Variants in TMEM181 observed in about 807,000 individuals in gnomAD.
The protein encoded by TMEM181 is G protein-coupled receptor 178.
TMEM181 carries 39 observed loss-of-function variants against 71.9 expected under a neutral mutation model. The ratio of observed to expected loss-of-function variants is 0.54; its 90% CI spans 0.42 to 0.71. The LOEUF (loss-of-function observed/expected upper bound fraction) is 0.71. Among genes scored for constraint, TMEM181 ranks in the 30% least tolerant of loss-of-function variants. TMEM181 has a pLI of 0.00. For missense variants in TMEM181, 595 were observed against 583.0 expected (o/e 1.02, Z -0.21); for synonymous variants, 245 against 228.8 (o/e 1.07, Z -0.64).
chr6:158,560,634 C>T (rs916957538), intron 1 of TMEM181, among the ~76,000 whole-genome samples: 1 of 152,172 alleles, frequency 6.6e-6, no homozygotes, highest in African/African-American at 2.4e-5. Context: ...GGCCCCGCCC[C>T]GTCGTCCCCT....
At chr6:158,611,792 CT>C in intron 10 of TMEM181, 5 of 199,104 alleles carry the variant, frequency 2.5e-5, no homozygotes, top group East Asian at 1.5e-4. Context: ...GACAATAAAC[CT>C]GAGAGGGCCT....
rs1288634968 is a variant in TMEM181, at chr6:158,573,540, A to G, written c.112+17A>G. Reference sequence around the variant, plus strand: ...GGATCAGAGGTAAGGTTCGGTTTTTACTCATTGAATCTTTTGCCATGCGCG... The same window carrying G: ...GGATCAGAGGTAAGGTTCGGTTTTTGCTCATTGAATCTTTTGCCATGCGCG... On this transcript the variant is annotated intron_variant, in intron 2 of 16. Coordinates refer to ENST00000684151, the MANE Select transcript of TMEM181 (RefSeq NM_001376852.1). The G allele has an allele frequency of 3.2e-6, 5 of 1,585,342 alleles. No individual in the cohort carries two copies. In the Admixed American group the frequency reaches 9.0e-5, roughly 29 times the overall value.
At chr6:158,542,050 C>G (rs1189660465) in intron 1 of TMEM181, among the ~76,000 whole-genome samples, 1 of 151,966 alleles carries the variant, frequency 6.6e-6, no homozygotes, top group Non-Finnish European at 1.5e-5. Flanking sequence ...AGATTACAGG[C>G]ATGCGCCACT....
intron 6 of TMEM181, among the ~76,000 whole-genome samples, chr6:158,590,260 C>T (rs1002247894): frequency 1.3e-5 from 2 of 152,150 alleles, no homozygotes; most frequent in East Asian, 1.9e-4. Flanking sequence ...GAGCTGGGTT[C>T]TCACGCTGCC....
At chr6:158,631,144 C>G (rs1470455346) in intron 15 of TMEM181, among the ~76,000 whole-genome samples, 179 bp from the exon 16 acceptor site, 1 of 152,248 alleles carries the variant, frequency 6.6e-6, no homozygotes, top group Admixed American at 6.5e-5. Context: ...CCAGGCCAGC[C>G]CTGTCTTGTA....
At chr6:158,588,155 T>A (rs1358962535) in intron 5 of TMEM181, among the ~76,000 whole-genome samples, 1 of 152,242 alleles carries the variant, frequency 6.6e-6, no homozygotes, top group Non-Finnish European at 1.5e-5. Flanking sequence ...GCAGATGACC[T>A]GTGCTTCCGG....
intron 14 of TMEM181, among the ~76,000 whole-genome samples, chr6:158,629,073 A>G (rs563495294): frequency 6.6e-6 from 1 of 152,314 alleles, no homozygotes; most frequent in South Asian, 2.1e-4. Flanking sequence ...CCAGTGGCGC[A>G]GGGCTGTTGC....
In TMEM181 at chr6:158,627,790, G is replaced by A. The variant is rs529064290; in HGVS notation, c.1110-618G>A. ...GGGTCTTGAGCTGGGAGGTGAAAGGGTCTGGTGCACATGTTAAGCCTTCTG... is the reference window on the plus strand; with the variant it reads ...GGGTCTTGAGCTGGGAGGTGAAAGGATCTGGTGCACATGTTAAGCCTTCTG... On this transcript the variant is annotated intron_variant, in intron 13 of 16. Coordinates refer to ENST00000684151, the MANE Select transcript of TMEM181 (RefSeq NM_001376852.1). Among the ~76,000 whole-genome samples, 404 of 125,802 alleles carry A rather than the reference G, an allele frequency of 3.2e-3. 1 individual carries two copies. Among genetic ancestry groups the A allele is most frequent in the South Asian group, 5.7e-3 (23 of 4,024 alleles). 82.5% of individuals were successfully genotyped at this position (125,802 alleles called of 152,430 possible).
At chr6:158,595,993 C>A (rs541458190) in intron 6 of TMEM181, among the ~76,000 whole-genome samples, 1 of 152,122 alleles carries the variant, frequency 6.6e-6, no homozygotes, top group African/African-American at 2.4e-5. Flanking sequence ...GCGATCTCGG[C>A]TCACTGCAAG....
intron 4 of TMEM181, among the ~76,000 whole-genome samples, chr6:158,584,281 A>G (rs12215824): frequency 0.4 from 60,561 of 152,094 alleles, 12,470 homozygotes; most frequent in Middle Eastern, 0.52. Context: ...CAGTGGCTGC[A>G]TGGTGTCGGC....
At chr6:158,610,983 C>T in intron 10 of TMEM181, 1 of 413,782 alleles carries the variant, frequency 2.4e-6, no homozygotes. Flanking sequence ...AGACCAGTTG[C>T]TTCCTGAAGA....
Position 158,634,673 on chromosome 6 carries a change from T to TATATACTATG in TMEM181, c.*2786_*2795dup, listed in dbSNP as rs1190526908. On this transcript the variant is annotated 3_prime_UTR_variant, in exon 17 of 17. Coordinates refer to ENST00000684151, the MANE Select transcript of TMEM181 (RefSeq NM_001376852.1). Reference sequence around the variant, plus strand: ...ATTTGAAAGGCTAGAGAAGGGGATATATATACTATGTTCAAGGTTTGTAAG... The same window carrying TATATACTATG: ...ATTTGAAAGGCTAGAGAAGGGGATATATATACTATGATATACTATGTTCAAGGTTTGTAAG... 1 of 152,222 alleles carries TATATACTATG rather than the reference T, an allele frequency of 6.6e-6. No homozygotes were observed. Among genetic ancestry groups the TATATACTATG allele is most frequent in the Non-Finnish European group, 1.5e-5 (1 of 68,044 alleles). 9.4% of individuals were successfully genotyped at this position (152,222 alleles called of 1,614,324 possible). A position where few individuals can be genotyped will look rare whatever the true frequency, so the allele number is the denominator to read the frequency against.
chr6:158,573,065 A>G (rs534055043), intron 1 of TMEM181, among the ~76,000 whole-genome samples: 6 of 152,094 alleles, frequency 3.9e-5, no homozygotes, highest in African/African-American at 1.4e-4. Context: ...TGTGCATGAG[A>G]TGAGTAGTGG....
chr6:158,561,897 TAGC>T (rs755766660), intron 1 of TMEM181, among the ~76,000 whole-genome samples: 33 of 152,172 alleles, frequency 2.2e-4, no homozygotes, highest in Non-Finnish European at 4.4e-4. Context: ...AAGAGTTTGG[TAGC>T]AGATAAAATC....
intron 10 of TMEM181, chr6:158,610,449 T>C (rs1395832578): frequency 3.4e-6 from 1 of 292,668 alleles, no homozygotes; most frequent in Admixed American, 4.3e-5. Flanking sequence ...AAGGTCCCTT[T>C]GAAAGACAAC....
chr6:158,588,548 C>T (rs1342411957), intron 5 of TMEM181, among the ~76,000 whole-genome samples: 3 of 152,230 alleles, frequency 2.0e-5, no homozygotes, highest in African/African-American at 7.2e-5. Flanking sequence ...CTCCCAGGTT[C>T]AAGGGATTCT....
At chr6:158,536,647 C>T in exon 1 of TMEM181, 1 of 1,473,712 alleles carries the variant, frequency 6.8e-7, no homozygotes, top group South Asian at 1.3e-5. Flanking sequence ...GCCAGCAGCC[C>T]GATCCCCAGT....
chr6:158,542,344 G>A (rs1322804265), intron 1 of TMEM181, among the ~76,000 whole-genome samples: 1 of 152,190 alleles, frequency 6.6e-6, no homozygotes, highest in Non-Finnish European at 1.5e-5. Flanking sequence ...CCGTTATTGA[G>A]TCCTTACTAT....
chr6:158,592,674 TG>T (rs1166884324), intron 6 of TMEM181, among the ~76,000 whole-genome samples: 1 of 152,162 alleles, frequency 6.6e-6, no homozygotes, highest in Admixed American at 6.5e-5. Context: ...TTAGTAGAGA[TG>T]GGGTTTTACC....
Sources: allele counts gnomAD v4.1 joint callset (sites outside exome capture counted in the v4.1 genomes callset), GRCh38; gene constraint gnomAD v4.1.1; transcripts MANE v1.5; gene names NCBI Gene and HGNC (gene_info 2026-07-23, HGNC 2026-07-21).